The following IL19 variants were observed in gnomAD, a reference collection of about 807,000 sequenced individuals.
IL19 encodes interleukin-19.
A neutral mutation model predicts 19.5 loss-of-function variants in IL19; 15 were observed. The observed-to-expected ratio is 0.77, with a 90% CI of 0.52 to 1.19. The LOEUF (loss-of-function observed/expected upper bound fraction) is 1.19. IL19 is among the 50% of genes most tolerant of loss of function. The pLI, the probability that IL19 is intolerant of heterozygous loss-of-function variation, is 0.00. For synonymous variants in IL19, 78 were observed against 78.3 expected, an observed-to-expected ratio of 1.00 and a Z score of 0.02; for missense variants, 199 against 213.1, an observed-to-expected ratio of 0.93 and a Z score of 0.41.
intron 2 of IL19, 107 bp downstream of exon 2, chr1:206,799,113 G>A: frequency 1.3e-6 from 1 of 770,602 alleles, no homozygotes; most frequent in Non-Finnish European, 2.2e-6. Context: ...AGACACCTAT[G>A]AACTGACAGG....
intron 1 of IL19, among the ~76,000 whole-genome samples, chr1:206,794,288 G>T (rs1250794134): frequency 6.6e-6 from 1 of 152,176 alleles, no homozygotes; most frequent in Non-Finnish European, 1.5e-5. Context: ...CAGATGGAAA[G>T]TTCCTGGCAC....
At position 206,842,582 on chromosome 1, in the gene IL19, C is replaced by T; in HGVS notation, c.494C>T (p.Ala165Val). The change falls in exon 7 of 7, where the codon GCC becomes GTC. Residue 165 changes from alanine (A) to valine (V), a missense_variant. Physicochemically the swap from Ala to Val is moderately conservative, Grantham distance 64. Coordinates refer to ENST00000659997, the MANE Select transcript of IL19 (RefSeq NM_153758.5). ...CTGGGAGAGCTCGACGTCTTTCTAG[C>T]CTGGATTAATAAGAATCATGAAGTA... is the stretch of plus-strand genomic sequence containing the variant. ...KSLGELDVFL[A>V]WINKNHEVMF... 1 of 1,576,314 alleles carries T rather than the reference C, an allele frequency of 6.3e-7. No homozygotes were observed. Among genetic ancestry groups the T allele is most frequent in the Non-Finnish European group, 8.6e-7 (1 of 1,158,740 alleles).
intron 2 of IL19, among the ~76,000 whole-genome samples, chr1:206,811,467 T>C (rs1447598960): frequency 1.4e-5 from 2 of 142,952 alleles, no homozygotes; most frequent in Non-Finnish European, 1.5e-5. Context: ...AAAAAAAAGT[T>C]TGGTGACCAA....
intron 1 of IL19, among the ~76,000 whole-genome samples, chr1:206,788,350 A>C (rs2102452729): frequency 1.3e-5 from 2 of 152,314 alleles, no homozygotes; most frequent in South Asian, 2.1e-4. Flanking sequence ...ATGTCTTACT[A>C]TATACAAGAC....
At chr1:206,785,338 T>C (rs1039673857) in intron 1 of IL19, among the ~76,000 whole-genome samples, 3 of 152,202 alleles carry the variant, frequency 2.0e-5, no homozygotes, top group Non-Finnish European at 2.9e-5. Context: ...GTGGCAACCA[T>C]TGGCACTTCC....
intron 2 of IL19, among the ~76,000 whole-genome samples, chr1:206,823,847 A>G (rs2102476330): frequency 6.6e-6 from 1 of 152,312 alleles, no homozygotes; most frequent in South Asian, 2.1e-4. Context: ...CAGCCTTCCA[A>G]GGCCTGTTGG....
chr1:206,806,026 A>G (rs1165923347), intron 2 of IL19, among the ~76,000 whole-genome samples: 1 of 152,178 alleles, frequency 6.6e-6, no homozygotes, highest in East Asian at 1.9e-4. Context: ...CCAGACTCAC[A>G]TTCTCCCAGT....
chr1:206,780,927 T>C (rs562690701), intron 1 of IL19, among the ~76,000 whole-genome samples: 1 of 152,210 alleles, frequency 6.6e-6, no homozygotes, highest in Non-Finnish European at 1.5e-5. Context: ...TGAATCTATT[T>C]TGTACTCCTT....
At chr1:206,799,820 T>C (rs1015817103) in intron 2 of IL19, among the ~76,000 whole-genome samples, 5 of 152,224 alleles carry the variant, frequency 3.3e-5, no homozygotes, top group Admixed American at 1.3e-4. Flanking sequence ...GCTTGTCCTC[T>C]GTGAAGACCC....
intron 4 of IL19, among the ~76,000 whole-genome samples, chr1:206,838,724 TCCTTCCCTTCCTTTCCCTTC>T (rs1676885108): frequency 6.8e-6 from 1 of 148,068 alleles, no homozygotes; most frequent in African/African-American, 2.5e-5. Flanking sequence ...GGATTCAGGT[TCCTTCCCTTCCTTTCCCTTC>T]CCTTCCCTTC....
chr1:206,835,110 G>A (rs1344710992), intron 2 of IL19, among the ~76,000 whole-genome samples: 1 of 152,158 alleles, frequency 6.6e-6, no homozygotes, highest in African/African-American at 2.4e-5. Context: ...CCAAGCTAAG[G>A]GAGACATCTT....
At chr1:206,781,449 GAAAA>G (rs901597598) in intron 1 of IL19, among the ~76,000 whole-genome samples, 1 of 126,398 alleles carries the variant, frequency 7.9e-6, no homozygotes. Flanking sequence ...GAAAAAAAAA[GAAAA>G]AAAAGAGAGA....
At chr1:206,833,899 T>C (rs1266992795) in intron 2 of IL19, 1 of 985,602 alleles carries the variant, frequency 1.0e-6, no homozygotes, top group Non-Finnish European at 1.2e-6. Context: ...CAGACACTCA[T>C]AGCTGCCTAA....
chr1:206,794,336 C>T (rs1675471874), intron 1 of IL19, among the ~76,000 whole-genome samples: 1 of 152,156 alleles, frequency 6.6e-6, no homozygotes, highest in East Asian at 1.9e-4. Flanking sequence ...TGGTTTATTT[C>T]ACTCTATTTC....
chr1:206,834,484 T>C, intron 2 of IL19: 1 of 970,878 alleles, frequency 1.0e-6, no homozygotes, highest in Non-Finnish European at 1.2e-6. Context: ...GGAGGTGACC[T>C]GTTACCATTG....
At position 206,840,142 on chromosome 1, in the gene IL19, T is replaced by C. The variant is rs2243182; in HGVS notation, c.363+140T>C. ...CTGCGCACGTCCACAGGGAGAACTG[T>C]GGAGAACCTCTCCCAGTGGCCACTG... On this transcript the variant is annotated intron_variant, in intron 5 of 6. Coordinates refer to ENST00000659997, the MANE Select transcript of IL19 (RefSeq NM_153758.5). The C allele has an allele frequency of 3.4e-3, 3,269 of 949,408 alleles. 71 individuals are homozygous for C. The African/African-American group carries it at 0.048, about 14-fold the overall frequency. The allele number at this position is 949,408 out of a possible 1,614,324, so 58.8% of individuals were successfully genotyped here.
chr1:206,810,313 A>G (rs184990856), intron 2 of IL19, among the ~76,000 whole-genome samples: 3 of 152,298 alleles, frequency 2.0e-5, no homozygotes, highest in Admixed American at 6.5e-5. Context: ...GGCTGACTAA[A>G]CCTTGGACTC....
At chr1:206,840,530 G>A (rs1000844942) in intron 5 of IL19, 2 of 214,668 alleles carry the variant, frequency 9.3e-6, no homozygotes, top group African/African-American at 4.6e-5. Flanking sequence ...TTTGTGGCAA[G>A]TGACTTCACC....
chr1:206,837,616 A>C (rs1403276370), intron 4 of IL19, among the ~76,000 whole-genome samples: 1 of 116,916 alleles, frequency 8.6e-6, no homozygotes, highest in African/African-American at 3.0e-5. Context: ...TGGGAGGCTG[A>C]GGCTGGTAGG....
Sources: allele counts gnomAD v4.1 joint callset (sites outside exome capture counted in the v4.1 genomes callset), GRCh38; gene constraint gnomAD v4.1.1; transcripts MANE v1.5; gene names NCBI Gene and HGNC (gene_info 2026-07-23, HGNC 2026-07-21).